The following ROBO2 variants were observed in gnomAD, a reference collection of about 807,000 sequenced individuals.
The protein encoded by ROBO2 is roundabout homolog 2.
A neutral mutation model predicts 160.8 loss-of-function variants in ROBO2; 53 were observed. That is an observed-to-expected ratio of 0.33 (90% CI 0.26 to 0.41). The LOEUF (loss-of-function observed/expected upper bound fraction) is 0.41. ROBO2 is among the 10% of genes least tolerant of loss of function. ROBO2 has a pLI of 1.00. For synonymous variants in ROBO2, 664 were observed against 611.7 expected, an observed-to-expected ratio of 1.09 and a Z score of -1.26; for missense variants, 1,577 against 1,722.4, an observed-to-expected ratio of 0.92 and a Z score of 1.49.
chr3:76,444,055 T>A (rs927494911), intron 2 of ROBO2, among the ~76,000 whole-genome samples: 1 of 152,130 alleles, frequency 6.6e-6, no homozygotes, highest in African/African-American at 2.4e-5. Context: ...AACCTCTGCC[T>A]CCCAGGTTCA....
chr3:76,445,000 A>G (rs1468401059), intron 2 of ROBO2, among the ~76,000 whole-genome samples: 1 of 152,148 alleles, frequency 6.6e-6, no homozygotes, highest in African/African-American at 2.4e-5. Flanking sequence ...GAAATATGAA[A>G]CATGCAGAAT....
intron 1 of ROBO2, among the ~76,000 whole-genome samples, chr3:75,928,434 C>T (rs1947381110): frequency 6.6e-6 from 1 of 152,058 alleles, no homozygotes; most frequent in African/African-American, 2.4e-5. Context: ...AGTACTTCAC[C>T]TTCACAAAAT....
chr3:77,309,681 G>T (rs1255210064), intron 2 of ROBO2, among the ~76,000 whole-genome samples: 1 of 152,194 alleles, frequency 6.6e-6, no homozygotes, highest in Non-Finnish European at 1.5e-5. Flanking sequence ...CATGGCAACT[G>T]CCCTGTCTGC....
In ROBO2 at chr3:76,732,040, C is replaced by T. The variant is rs142488463; in HGVS notation, c.110-365974C>T. ...AGCCCAGACTGCCAGTTATTTCACC[C>T]GGGAATCATGTGATTTTAAATACCA... On this transcript the variant is annotated intron_variant, in intron 2 of 26. Coordinates refer to the ROBO2 transcript ENST00000487694. 3.3e-5 allele frequency among the ~76,000 whole-genome samples: 5 copies of T among 152,088 alleles called. No homozygotes were observed. In the East Asian group the frequency reaches 9.7e-4, roughly 29 times the overall value.
intron 2 of ROBO2, among the ~76,000 whole-genome samples, chr3:76,231,300 G>A (rs537015403): frequency 6.6e-6 from 1 of 152,050 alleles, no homozygotes; most frequent in African/African-American, 2.4e-5. Flanking sequence ...TTTACCTTCT[G>A]CTGCTTTATG....
At chr3:77,128,248 G>C (rs899433624) in intron 2 of ROBO2, among the ~76,000 whole-genome samples, 4 of 152,108 alleles carry the variant, frequency 2.6e-5, no homozygotes, top group Non-Finnish European at 5.9e-5. Flanking sequence ...TACCTATTCA[G>C]TGCAGAAGCT....
chr3:75,928,579 A>T (rs1403486503), intron 1 of ROBO2, among the ~76,000 whole-genome samples: 2 of 152,190 alleles, frequency 1.3e-5, no homozygotes, highest in African/African-American at 2.4e-5. Context: ...ATTTCCTGCC[A>T]GTGGCATATA....
intron 2 of ROBO2, among the ~76,000 whole-genome samples, chr3:76,364,460 T>A (rs1359345497): frequency 6.6e-6 from 1 of 152,052 alleles, no homozygotes; most frequent in Non-Finnish European, 1.5e-5. Context: ...AAACCTAGAA[T>A]AACGCCTGTC....
chr3:76,865,850 A>G (rs1215021718), intron 2 of ROBO2, among the ~76,000 whole-genome samples: 1 of 152,136 alleles, frequency 6.6e-6, no homozygotes, highest in African/African-American at 2.4e-5. Context: ...TTGAATTAAG[A>G]GGCATTTTAT....
chr3:77,420,547 T>C (rs1458444237), intron 2 of ROBO2, among the ~76,000 whole-genome samples: 2 of 151,998 alleles, frequency 1.3e-5, no homozygotes, highest in African/African-American at 4.8e-5. Flanking sequence ...TTGGGAAATG[T>C]TCAACAGAAT....
intron 2 of ROBO2, among the ~76,000 whole-genome samples, chr3:75,964,798 G>A (rs1443123959): frequency 6.6e-6 from 1 of 151,482 alleles, no homozygotes; most frequent in African/African-American, 2.4e-5. Context: ...CCATTTTGTT[G>A]CATGTTGTTA....
chr3:76,574,724 G>T (rs75123665), intron 2 of ROBO2, among the ~76,000 whole-genome samples: 2 of 151,938 alleles, frequency 1.3e-5, no homozygotes, highest in Non-Finnish European at 1.5e-5. Flanking sequence ...AAATAGAACC[G>T]GGCTTCTCAA....
chr3:77,317,403 G>C lies in ROBO2; in HGVS notation c.389-160011G>C. 21 of 1,242,246 alleles carry C rather than the reference G, an allele frequency of 1.7e-5. No individual in the cohort carries two copies. The South Asian group carries it at 2.2e-4, about 13-fold the overall frequency. 77.0% of individuals were successfully genotyped at this position (1,242,246 alleles called of 1,614,324 possible). ...GGGGTTCCATTTCTCCGTAGACCTC[G>C]AGCCATAGTCAGTCCATCGGTACCT... On this transcript the variant is annotated intron_variant, in intron 2 of 25. Coordinates refer to ENST00000461745, the Ensembl canonical transcript of ROBO2.
At chr3:77,197,413 T>A (rs2150986859) in intron 2 of ROBO2, among the ~76,000 whole-genome samples, 1 of 152,320 alleles carries the variant, frequency 6.6e-6, no homozygotes, top group Non-Finnish European at 1.5e-5. Flanking sequence ...AAAAGCAACT[T>A]GCTATTAAGC....
At chr3:76,161,539 C>A (rs2072639573) in intron 2 of ROBO2, among the ~76,000 whole-genome samples, 1 of 152,012 alleles carries the variant, frequency 6.6e-6, no homozygotes, top group South Asian at 2.1e-4. Context: ...CATGAAGGAG[C>A]CCTGCTAAGA....
At chr3:76,338,373 C>T (rs981168036) in intron 2 of ROBO2, among the ~76,000 whole-genome samples, 13 of 152,092 alleles carry the variant, frequency 8.5e-5, no homozygotes, top group Admixed American at 8.5e-4. Flanking sequence ...TTTGGTTAGT[C>T]ATATAGCAAT....
At chr3:76,767,526 G>T (rs536409601) in intron 2 of ROBO2, among the ~76,000 whole-genome samples, 25 of 151,566 alleles carry the variant, frequency 1.6e-4, no homozygotes, top group African/African-American at 4.3e-4. Context: ...GAAATGGAAA[G>T]AAATTTTCTT....
At chr3:76,090,958 T>G (rs1335947154) in intron 2 of ROBO2, among the ~76,000 whole-genome samples, 1 of 152,204 alleles carries the variant, frequency 6.6e-6, no homozygotes, top group Non-Finnish European at 1.5e-5. Flanking sequence ...TAATTCAAAA[T>G]GGACTATCAA....
intron 2 of ROBO2, among the ~76,000 whole-genome samples, chr3:77,381,423 A>G (rs2073450938): frequency 1.3e-5 from 2 of 152,158 alleles, no homozygotes; most frequent in South Asian, 4.1e-4. Context: ...CAAAGCCATG[A>G]TCAGATTTCC....
Sources: allele counts gnomAD v4.1 joint callset (sites outside exome capture counted in the v4.1 genomes callset), GRCh38; gene constraint gnomAD v4.1.1; transcripts MANE v1.5; gene names NCBI Gene and HGNC (gene_info 2026-07-23, HGNC 2026-07-21).